ABLIM1: variants seen among roughly 807,000 people sequenced by gnomAD.
The protein encoded by ABLIM1 is actin-binding LIM protein 1.
Under a neutral mutation model 107.0 loss-of-function variants are expected in ABLIM1, and 40 were observed. The observed-to-expected ratio is 0.37, with a 90% CI of 0.29 to 0.49. The LOEUF (loss-of-function observed/expected upper bound fraction) is 0.49. Ranked by LOEUF, ABLIM1 falls within the 20% of genes least tolerant of loss-of-function variation. ABLIM1 has a pLI of 0.97. For synonymous variants in ABLIM1, 357 were observed against 357.3 expected, an observed-to-expected ratio of 1.00 and a Z score of 0.01; for missense variants, 857 against 1,008.5, an observed-to-expected ratio of 0.85 and a Z score of 2.04.
intron 1 of ABLIM1, among the ~76,000 whole-genome samples, chr10:114,749,896 G>T (rs1206387870): frequency 1.3e-5 from 2 of 152,136 alleles, no homozygotes; most frequent in Admixed American, 6.6e-5. Flanking sequence ...AGCCTTCCCT[G>T]ATCATGCCCA....
rs1167024034 is a variant in ABLIM1 at position 114,433,245 on chromosome 10, G to T, written c.*3015C>A. 2.6e-5 allele frequency: 4 copies of T among 152,206 alleles called. No homozygotes were observed. The highest frequency in any genetic ancestry group is 5.9e-5 in the Non-Finnish European group (4 of 68,050). 9.4% of individuals were successfully genotyped at this position (152,206 alleles called of 1,614,324 possible). A position where few individuals can be genotyped will look rare whatever the true frequency, so the allele number is the denominator to read the frequency against. ...TATAGTACAGGGTAGGGTAAAAGCA[G>T]ACCAATAGCCATCTTGTGTGCTGTG... On this transcript the variant is annotated 3_prime_UTR_variant, in exon 23 of 23. Coordinates refer to ENST00000533213, the MANE Select transcript of ABLIM1 (RefSeq NM_002313.7).
intron 6 of ABLIM1, among the ~76,000 whole-genome samples, chr10:114,507,879 A>AC (rs1288109165): frequency 6.6e-6 from 1 of 151,712 alleles, no homozygotes; most frequent in Non-Finnish European, 1.5e-5. Context: ...AAGGCAGCAG[A>AC]CCCCCCTGAG....
rs1275698965 is a variant in ABLIM1 at position 114,616,944 on chromosome 10, TA to T, written c.245-14984del. ...TGAGGAAACTGAGGCAACAGGAGGTTAAGGGACTTGCCCAAGGTGGCACAAT... is the reference window on the plus strand; with the variant it reads ...TGAGGAAACTGAGGCAACAGGAGGTTAGGGACTTGCCCAAGGTGGCACAAT... On this transcript the variant is annotated intron_variant, in intron 1 of 22. Coordinates refer to ENST00000533213, the MANE Select transcript of ABLIM1 (RefSeq NM_002313.7). Among the ~76,000 whole-genome samples, 3 of 152,224 alleles carry T rather than the reference TA, an allele frequency of 2.0e-5. No individual in the cohort carries two copies. In the East Asian group the frequency reaches 5.8e-4, roughly 29 times the overall value.
intron 22 of ABLIM1, among the ~76,000 whole-genome samples, chr10:114,437,599 G>A (rs369833184): frequency 1.4e-4 from 22 of 151,956 alleles, no homozygotes; most frequent in Admixed American, 9.8e-4. Context: ...GATTATGGGC[G>A]TGAGCCACCA....
intron 3 of ABLIM1, among the ~76,000 whole-genome samples, chr10:114,571,663 C>G (rs2071702469): frequency 6.6e-6 from 1 of 152,162 alleles, no homozygotes; most frequent in South Asian, 2.1e-4. Flanking sequence ...TACCTCCATT[C>G]ATTAGTGAAG....
chr10:114,656,604 A>G (rs1198692153), intron 1 of ABLIM1, among the ~76,000 whole-genome samples: 1 of 151,732 alleles, frequency 6.6e-6, no homozygotes, highest in Non-Finnish European at 1.5e-5. Flanking sequence ...ACGAAAAAAG[A>G]AAAAAAAACC....
the ABLIM1 span, among the ~76,000 whole-genome samples, chr10:114,788,487 G>C: frequency 2.7e-5 from 4 of 150,648 alleles, no homozygotes; most frequent in African/African-American, 9.8e-5. Context: ...CAGCACTTTT[G>C]GAAGCTGAGG....
chr10:114,547,667 G>C lies in ABLIM1; in HGVS notation c.783C>G (p.Thr261=). The stretch of plus-strand genomic sequence containing the variant: ...AGCCTTACTTGCTGATGTACTCCCC[G>C]GTGAGGACCTTCCCGCAGGACTTGC... ...FKCKSCGKVL[T]GEYISKDGAP... Residue 261 remains threonine, a synonymous_variant, in exon 5 of 23, where the codon ACC becomes ACG. Transcript: ENST00000533213. The C allele has an allele frequency of 6.2e-7, 1 of 1,613,746 alleles. No homozygotes were observed. Among genetic ancestry groups the C allele is most frequent in the Non-Finnish European group, 8.5e-7 (1 of 1,180,006 alleles).
At chr10:114,637,312 G>A (rs535817024) in intron 1 of ABLIM1, among the ~76,000 whole-genome samples, 1 of 152,246 alleles carries the variant, frequency 6.6e-6, no homozygotes, top group South Asian at 2.1e-4. Flanking sequence ...ACTCTCTGTT[G>A]GCCAAAATAA....
At chr10:114,542,982 G>C (rs2066888596) in intron 6 of ABLIM1, among the ~76,000 whole-genome samples, 1 of 152,104 alleles carries the variant, frequency 6.6e-6, no homozygotes, top group African/African-American at 2.4e-5. Context: ...AGCTTTATTG[G>C]AAAGGCTATG....
chr10:114,688,837 G>A (rs1345852666), upstream of ABLIM1, among the ~76,000 whole-genome samples: 1 of 152,196 alleles, frequency 6.6e-6, no homozygotes, highest in African/African-American at 2.4e-5. Flanking sequence ...CATGCCTGAA[G>A]TAATGGTAGG....
intron 12 of ABLIM1, 42 bp from the exon 13 acceptor site, chr10:114,453,525 G>A: frequency 4.2e-6 from 6 of 1,425,600 alleles, no homozygotes; most frequent in South Asian, 3.0e-5. Context: ...AGAGAAGGGA[G>A]AGAGAAACAA....
intron 6 of ABLIM1, among the ~76,000 whole-genome samples, chr10:114,500,683 GAAAAAAA>G (rs71007473): frequency 8.4e-4 from 44 of 52,564 alleles, no homozygotes; most frequent in Admixed American, 6.4e-3. Context: ...TGTGTCGAAA[GAAAAAAA>G]AAAAAAAAAA....
intron 6 of ABLIM1, among the ~76,000 whole-genome samples, chr10:114,504,680 T>A (rs2060891815): frequency 6.6e-6 from 1 of 152,176 alleles, no homozygotes; most frequent in South Asian, 2.1e-4. Context: ...AGTTTCTGCA[T>A]GTACATCAAG....
intron 6 of ABLIM1, among the ~76,000 whole-genome samples, chr10:114,492,442 AAG>A (rs2059137329): frequency 6.6e-6 from 1 of 152,140 alleles, no homozygotes; most frequent in Non-Finnish European, 1.5e-5. Context: ...GGCTTACATG[AAG>A]AGTTTTCTGG....
At chr10:114,644,004 A>G (rs1280296667) in intron 1 of ABLIM1, among the ~76,000 whole-genome samples, 7 of 151,590 alleles carry the variant, frequency 4.6e-5, no homozygotes, top group African/African-American at 1.7e-4. Flanking sequence ...GGTTCTGGCC[A>G]GGCACAGTGG....
At chr10:114,770,149 A>G (rs2083005703), upstream of ABLIM1, among the ~76,000 whole-genome samples, 1 of 152,160 alleles carries the variant, frequency 6.6e-6, no homozygotes, top group South Asian at 2.1e-4. Flanking sequence ...TTCTACTATG[A>G]GGTTATTAGT....
chr10:114,564,688 C>T (rs2497743), intron 4 of ABLIM1, among the ~76,000 whole-genome samples: 40,493 of 152,036 alleles, frequency 0.27, 6,266 homozygotes, highest in African/African-American at 0.42. Context: ...CAGACGAGGG[C>T]GCTGAGTTTC....
At chr10:114,584,658 C>T (rs1227238415) in intron 2 of ABLIM1, among the ~76,000 whole-genome samples, 1 of 152,086 alleles carries the variant, frequency 6.6e-6, no homozygotes, top group Non-Finnish European at 1.5e-5. Context: ...AATACTAAGC[C>T]TCAAAAAACA....
Sources: gnomAD v4.1 joint callset for allele counts (sites outside exome capture counted in the v4.1 genomes callset) on GRCh38, gnomAD v4.1.1 for gene constraint, MANE v1.5 for transcripts, NCBI Gene and HGNC (gene_info 2026-07-23, HGNC 2026-07-21) for gene names.